LRRTM4: variants seen among roughly 807,000 people sequenced by gnomAD.
LRRTM4 encodes leucine-rich repeat transmembrane neuronal protein 4.
LRRTM4 carries 25 observed loss-of-function variants against 47.6 expected under a neutral mutation model. The observed-to-expected ratio is 0.53, with a 90% CI of 0.38 to 0.73. LRRTM4 has a LOEUF of 0.73. Among genes scored for constraint, LRRTM4 ranks in the 30% least tolerant of loss-of-function variants. The probability of loss-of-function intolerance (pLI) is 0.00; values close to 1 mark genes in which losing one functional copy is unlikely to be tolerated. For synonymous variants in LRRTM4, 311 were observed against 269.5 expected, an observed-to-expected ratio of 1.15 and a Z score of -1.51; for missense variants, 638 against 713.4, an observed-to-expected ratio of 0.89 and a Z score of 1.20.
chr2:76,972,927 G>A (rs763597362), intron 3 of LRRTM4, among the ~76,000 whole-genome samples: 2 of 151,922 alleles, frequency 1.3e-5, no homozygotes, highest in African/African-American at 2.4e-5. Flanking sequence ...TCATAATTCT[G>A]TGTTTCCTTT....
At chr2:77,174,911 C>A (rs1385499377) in intron 3 of LRRTM4, among the ~76,000 whole-genome samples, 1 of 151,876 alleles carries the variant, frequency 6.6e-6, no homozygotes. Context: ...TTAAAGAAAT[C>A]TTTTGTGCCC....
At chr2:77,175,262 C>T (rs1461206705) in intron 3 of LRRTM4, among the ~76,000 whole-genome samples, 2 of 151,798 alleles carry the variant, frequency 1.3e-5, no homozygotes, top group Non-Finnish European at 2.9e-5. Context: ...GAAGCTGAGG[C>T]AGGGCTTGCA....
intron 3 of LRRTM4, among the ~76,000 whole-genome samples, chr2:76,968,381 T>TATATATATATAC (rs1553437943): frequency 4.3e-5 from 5 of 116,222 alleles, no homozygotes; most frequent in African/African-American, 1.6e-4. Context: ...TATATATATA[T>TATATATATATAC]ATACACATAC....
chr2:76,747,871 C>T lies in LRRTM4; in HGVS notation c.*824G>A, dbSNP rs1024847737. On this transcript the variant is annotated 3_prime_UTR_variant, in exon 4 of 4. Coordinates refer to ENST00000409884, the MANE Select transcript of LRRTM4 (RefSeq NM_001134745.3). ...TCATTGAGCCCATGGTCATATCTCT[C>T]TTATAGCCTTAGTCCACATGAGAAT... 1 of 152,178 alleles carries T rather than the reference C, an allele frequency of 6.6e-6. No homozygotes were observed. Among genetic ancestry groups the T allele is most frequent in the African/African-American group, 2.4e-5 (1 of 41,444 alleles). 9.4% of individuals were successfully genotyped at this position (152,178 alleles called of 1,614,324 possible).
intron 3 of LRRTM4, among the ~76,000 whole-genome samples, chr2:76,893,656 G>A (rs1236791476): frequency 2.0e-5 from 3 of 151,752 alleles, no homozygotes; most frequent in South Asian, 2.1e-4. Flanking sequence ...CTTCCTTAAA[G>A]AGAACTCATC....
At chr2:77,017,294 A>G (rs1204067422) in intron 3 of LRRTM4, among the ~76,000 whole-genome samples, 7 of 152,236 alleles carry the variant, frequency 4.6e-5, no homozygotes, top group African/African-American at 1.7e-4. Flanking sequence ...TCACATTTAA[A>G]TTAAGCCCAT....
intron 3 of LRRTM4, among the ~76,000 whole-genome samples, chr2:77,044,037 GTTTTCTTCCTCA>G (rs1679128862): frequency 1.3e-5 from 2 of 151,114 alleles, no homozygotes; most frequent in South Asian, 4.2e-4. Flanking sequence ...ATTTCTGTTT[GTTTTCTTCCTCA>G]TTTTCTTCCA....
At chr2:76,785,651 G>A (rs1270853089) in intron 3 of LRRTM4, among the ~76,000 whole-genome samples, 4 of 152,068 alleles carry the variant, frequency 2.6e-5, no homozygotes, top group African/African-American at 7.2e-5. Context: ...TAGCTAGATA[G>A]TATATGTTAA....
intron 3 of LRRTM4, among the ~76,000 whole-genome samples, chr2:76,985,425 C>T (rs375048486): frequency 6.6e-6 from 1 of 151,934 alleles, no homozygotes; most frequent in South Asian, 2.1e-4. Context: ...TCTGCTAACA[C>T]CACAGAAAAG....
chr2:77,400,130 T>C (rs777838430), intron 3 of LRRTM4, among the ~76,000 whole-genome samples: 1 of 151,886 alleles, frequency 6.6e-6, no homozygotes, highest in Non-Finnish European at 1.5e-5. Flanking sequence ...CTTTTTTAGA[T>C]TCCACATATT....
At chr2:76,846,891 A>G (rs1178566927) in intron 3 of LRRTM4, among the ~76,000 whole-genome samples, 1 of 149,440 alleles carries the variant, frequency 6.7e-6, no homozygotes, top group Non-Finnish European at 1.5e-5. Flanking sequence ...TGATGTTAGA[A>G]AGTAAAAAGG....
At chr2:77,026,687 T>C (rs935038357) in intron 3 of LRRTM4, among the ~76,000 whole-genome samples, 6 of 151,900 alleles carry the variant, frequency 3.9e-5, no homozygotes, top group Non-Finnish European at 5.9e-5. Flanking sequence ...TCTGAATGAG[T>C]ATTATTTGCA....
At chr2:77,454,161 T>G (rs1413258108) in intron 3 of LRRTM4, among the ~76,000 whole-genome samples, 4 of 152,204 alleles carry the variant, frequency 2.6e-5, no homozygotes, top group African/African-American at 4.8e-5. Context: ...TAATGTCTAT[T>G]AAAGCAGAAA....
chr2:76,790,596 C>T (rs1458356023), intron 3 of LRRTM4, among the ~76,000 whole-genome samples: 1 of 152,026 alleles, frequency 6.6e-6, no homozygotes, highest in Non-Finnish European at 1.5e-5. Context: ...ACTTGATAAG[C>T]ATTAGCTATT....
In LRRTM4 at chr2:77,305,356, A is replaced by T. The variant is rs184292865; in HGVS notation, c.1551+212962T>A. Among the ~76,000 whole-genome samples the T allele has an allele frequency of 1.0e-3, 157 of 152,208 alleles. 1 individual carries two copies. Among genetic ancestry groups the T allele is most frequent in the Non-Finnish European group, 1.2e-3 (84 of 67,952 alleles). On this transcript the variant is annotated intron_variant, in intron 3 of 3. Coordinates refer to ENST00000409884, the MANE Select transcript of LRRTM4 (RefSeq NM_001134745.3). The stretch of plus-strand genomic sequence containing the variant: ...GAGACTCTTAGGAACATGTTAAGAG[A>T]TGTGCTTGAATTTAATTTAAATTCT...
chr2:77,206,610 G>A (rs747290767), intron 3 of LRRTM4, among the ~76,000 whole-genome samples: 28 of 151,848 alleles, frequency 1.8e-4, no homozygotes, highest in Non-Finnish European at 3.7e-4. Context: ...TCAGCCTCCC[G>A]AGTAGCTGGG....
chr2:76,749,471 T>C (rs62170444), intron 3 of LRRTM4, among the ~76,000 whole-genome samples: 882 of 152,276 alleles, frequency 5.8e-3, no homozygotes, highest in Non-Finnish European at 0.01. Context: ...GTAACTTTTA[T>C]TTAGTTTTAA....
intron 3 of LRRTM4, among the ~76,000 whole-genome samples, chr2:77,105,991 A>G (rs1450417170): frequency 6.6e-6 from 1 of 151,862 alleles, no homozygotes; most frequent in East Asian, 1.9e-4. Context: ...CTCCAACTAC[A>G]CTCACCTTCT....
chr2:77,109,187 G>A (rs1671181721), intron 3 of LRRTM4, among the ~76,000 whole-genome samples: 1 of 152,112 alleles, frequency 6.6e-6, no homozygotes, highest in South Asian at 2.1e-4. Flanking sequence ...GATAGCCAAA[G>A]GACTTCAAAA....
Sources: gnomAD v4.1 joint callset for allele counts (sites outside exome capture counted in the v4.1 genomes callset) on GRCh38, gnomAD v4.1.1 for gene constraint, MANE v1.5 for transcripts, NCBI Gene and HGNC (gene_info 2026-07-23, HGNC 2026-07-21) for gene names.